The following GLIS3 variants were observed in gnomAD, a reference collection of about 807,000 sequenced individuals.
The protein encoded by GLIS3 is GLIS family zinc finger 3, also known as zinc finger protein GLIS3.
GLIS3 carries 53 observed loss-of-function variants against 78.6 expected under a neutral mutation model. The ratio of observed to expected loss-of-function variants is 0.67; its 90% confidence interval spans 0.54 to 0.85. The LOEUF is 0.85. Among genes scored for constraint, GLIS3 ranks in the 40% least tolerant of loss-of-function variants. GLIS3 has a pLI of 0.00. For missense variants in GLIS3, 1,703 were observed against 1,231.1 expected (o/e 1.38, Z -5.74); for synonymous variants, 684 against 509.9 (o/e 1.34, Z -4.60).
At chr9:3,972,949 T>G (rs1818495791) in intron 4 of GLIS3, among the ~76,000 whole-genome samples, 1 of 152,162 alleles carries the variant, frequency 6.6e-6, no homozygotes, top group East Asian at 1.9e-4. Context: ...ACTGCAAAGT[T>G]TGAGGGCAAA....
intron 4 of GLIS3, among the ~76,000 whole-genome samples, chr9:4,046,900 T>G: frequency 6.6e-6 from 1 of 152,214 alleles, no homozygotes; most frequent in Non-Finnish European, 1.5e-5. Flanking sequence ...GGATGAAAGC[T>G]GTAAAGGATA....
chr9:4,253,751 A>C (rs1824634983), intron 2 of GLIS3, among the ~76,000 whole-genome samples: 1 of 152,188 alleles, frequency 6.6e-6, no homozygotes, highest in Admixed American at 6.5e-5. Context: ...CATCCAAGGG[A>C]ACATCCCGGT....
chr9:3,958,259 G>T (rs753041555), intron 4 of GLIS3, among the ~76,000 whole-genome samples: 1 of 152,098 alleles, frequency 6.6e-6, no homozygotes, highest in Non-Finnish European at 1.5e-5. Context: ...GCTTTTTGAA[G>T]ATGAGAGGAA....
At chr9:4,443,760 C>A in the GLIS3 span, among the ~76,000 whole-genome samples, 1 of 152,208 alleles carries the variant, frequency 6.6e-6, no homozygotes, top group African/African-American at 2.4e-5. Context: ...GCAAAGAAAG[C>A]AGCTTTTACC....
chr9:4,455,156 C>T, the GLIS3 span, among the ~76,000 whole-genome samples: 2 of 152,124 alleles, frequency 1.3e-5, no homozygotes, highest in Admixed American at 6.5e-5. Flanking sequence ...TTAAGCCTGC[C>T]TTTGTGGCAT....
At chr9:4,287,032 T>C (rs1828060353) in intron 1 of GLIS3, among the ~76,000 whole-genome samples, 1 of 152,202 alleles carries the variant, frequency 6.6e-6, no homozygotes, top group Non-Finnish European at 1.5e-5. Context: ...TCACAGTCCC[T>C]AGATTCGAAA....
intron 2 of GLIS3, among the ~76,000 whole-genome samples, chr9:4,226,233 G>C (rs1007073799): frequency 2.6e-5 from 4 of 152,140 alleles, no homozygotes; most frequent in African/African-American, 9.7e-5. Context: ...AGGAACAGAA[G>C]TAAACTGACC....
At chr9:4,075,328 G>A (rs967630429) in intron 4 of GLIS3, among the ~76,000 whole-genome samples, 3 of 151,806 alleles carry the variant, frequency 2.0e-5, no homozygotes, top group African/African-American at 7.3e-5. Flanking sequence ...CAGCACTTTG[G>A]GAGGCTGAGG....
chr9:4,269,463 G>A (rs761058995), intron 2 of GLIS3, among the ~76,000 whole-genome samples: 1 of 152,118 alleles, frequency 6.6e-6, no homozygotes, highest in Admixed American at 6.5e-5. Context: ...AAAATATTAC[G>A]AAGTATTGTC....
intron 4 of GLIS3, among the ~76,000 whole-genome samples, chr9:3,937,570 G>A (rs560078836): frequency 2.0e-5 from 3 of 152,122 alleles, no homozygotes; most frequent in African/African-American, 7.2e-5. Flanking sequence ...AACTGGAAAG[G>A]AAGAAACTTT....
chr9:4,128,755 A>T (rs1832753759), intron 2 of GLIS3, among the ~76,000 whole-genome samples: 1 of 152,114 alleles, frequency 6.6e-6, no homozygotes, highest in Admixed American at 6.6e-5. Flanking sequence ...TGCCTCTGTA[A>T]CTCTCTACTC....
intron 4 of GLIS3, among the ~76,000 whole-genome samples, chr9:4,050,591 T>C (rs1825681414): frequency 6.6e-6 from 1 of 152,052 alleles, no homozygotes; most frequent in Non-Finnish European, 1.5e-5. Flanking sequence ...GAACTTAAAG[T>C]ATAATAATAA....
Position 3,932,342 on chromosome 9 carries a change from A to T in GLIS3, c.1983+18T>A, listed in dbSNP as rs1317831834. ...TGAACATGCTTTTCCCGACTGGAAG[A>T]TTCTCTTTTAAAATTACCTTTTTCC... On this transcript the variant is annotated intron_variant, in intron 6 of 10. Coordinates refer to ENST00000381971, the MANE Select transcript of GLIS3 (RefSeq NM_001042413.2). 3 of 1,571,654 alleles carry T rather than the reference A, an allele frequency of 1.9e-6. No homozygotes were observed. Among genetic ancestry groups the T allele is most frequent in the African/African-American group, 2.7e-5 (2 of 74,138 alleles).
chr9:4,330,189 G>A (rs73386284), intron 2 of GLIS3, among the ~76,000 whole-genome samples: 2,818 of 152,290 alleles, frequency 0.019, 95 homozygotes, highest in African/African-American at 0.063. Context: ...GTGATGTCTG[G>A]ATTTTGCCAG....
chr9:4,113,104 CT>C (rs1831358570), intron 4 of GLIS3, among the ~76,000 whole-genome samples: 1 of 151,764 alleles, frequency 6.6e-6, no homozygotes, highest in African/African-American at 2.4e-5. Context: ...TATATATACC[CT>C]TTTGCACATA....
chr9:3,878,131 ACT>A (rs1407265493), intron 8 of GLIS3, among the ~76,000 whole-genome samples: 1 of 152,084 alleles, frequency 6.6e-6, no homozygotes, highest in African/African-American at 2.4e-5. Context: ...CTGTGCCCCC[ACT>A]GAGGCATCCA....
intron 2 of GLIS3, among the ~76,000 whole-genome samples, chr9:4,175,058 C>T (rs934045575): frequency 6.6e-5 from 10 of 152,176 alleles, no homozygotes; most frequent in African/African-American, 1.4e-4. Context: ...CTCAGCACTC[C>T]TTCCTTCTTT....
intron 4 of GLIS3, among the ~76,000 whole-genome samples, chr9:4,110,220 C>A (rs562976216): frequency 6.6e-6 from 1 of 152,100 alleles, no homozygotes; most frequent in Non-Finnish European, 1.5e-5. Context: ...CCAGGACAAT[C>A]CTGATTTAGA....
the GLIS3 span, among the ~76,000 whole-genome samples, chr9:4,431,837 T>A: frequency 2.6e-5 from 3 of 113,246 alleles, no homozygotes; most frequent in East Asian, 5.1e-4. Flanking sequence ...AGAGCAAAAC[T>A]CCATCTGAAA....
Sources: allele counts gnomAD v4.1 joint callset (sites outside exome capture counted in the v4.1 genomes callset), GRCh38; gene constraint gnomAD v4.1.1; transcripts MANE v1.5; gene names NCBI Gene and HGNC (gene_info 2026-07-23, HGNC 2026-07-21).